GSTM4: variants seen among roughly 807,000 people sequenced by gnomAD.
The protein encoded by GSTM4 is glutathione S-transferase mu 4.
A neutral mutation model predicts 30.1 loss-of-function variants in GSTM4; 27 were observed. The ratio of observed to expected loss-of-function variants is 0.90; its 90% confidence interval spans 0.66 to 1.24. The LOEUF is 1.24. Among genes scored for constraint, GSTM4 ranks in the 50% most tolerant of loss-of-function variants. GSTM4 has a pLI of 0.00. For missense variants in GSTM4, 238 were observed against 272.1 expected (o/e 0.87, Z 0.88); for synonymous variants, 94 against 96.2 (o/e 0.98, Z 0.13).
At chr1:109,661,065 G>C in intron 7 of GSTM4, 100 bp from the exon 8 acceptor site, 2 of 1,524,686 alleles carry the variant, frequency 1.3e-6, no homozygotes, top group Non-Finnish European at 1.8e-6. Flanking sequence ...ACGTGGAAAG[G>C]CTGTGGCCAG....
chr1:109,656,825 G>T (rs978039024), intron 2 of GSTM4, 38 bp downstream of exon 2: 1 of 1,591,950 alleles, frequency 6.3e-7, no homozygotes, highest in Non-Finnish European at 8.6e-7. Flanking sequence ...GCCCACTCAC[G>T]CTGAGTTGGC....
chr1:109,656,580 G>GTGTGTC (rs1553232573), intron 1 of GSTM4, 132 bp from the exon 2 acceptor site: 51 of 742,200 alleles, frequency 6.9e-5, no homozygotes, highest in Non-Finnish European at 1.1e-4. Context: ...GTGTGTGTGT[G>GTGTGTC]TGTGTGTGTG....
chr1:109,663,662 G>A (rs947786887), downstream of GSTM4, among the ~76,000 whole-genome samples: 51 of 150,920 alleles, frequency 3.4e-4, 1 homozygote, highest in Middle Eastern at 0.021. Context: ...GCAAGACTCC[G>A]TCTCAAAAAG....
rs71657107 is a variant in GSTM4 at position 109,657,691 on chromosome 1, G to A, written c.259+20G>A. 1.9e-6 allele frequency: 3 copies of A among 1,614,248 alleles called. No individual in the cohort carries two copies. The South Asian group carries it at 3.3e-5, about 18-fold the overall frequency. The stretch of plus-strand genomic sequence containing the variant: ...ACCTGTGTGAGTGTGGTTGGCTGCA[G>A]TGTGTGGGGGGAAGGTGGCATCCTC... On this transcript the variant is annotated intron_variant, in intron 4 of 7. Transcript: ENST00000369836.
Position 109,657,274 on chromosome 1 carries a change from C to G in GSTM4, c.172C>G (p.Pro58Ala). The G allele has an allele frequency of 1.2e-6, 2 of 1,612,442 alleles. No homozygotes were observed. Among genetic ancestry groups the G allele is most frequent in the Non-Finnish European group, 1.7e-6 (2 of 1,179,830 alleles). Residue 58 changes from proline (P) to alanine (A), a missense_variant, in exon 3 of 8, where the codon CCC (proline) becomes GCC (alanine). Transcript: ENST00000369836. The stretch of plus-strand genomic sequence containing the variant: ...AAAATTCAAGCTGGGCCTGGACTTT[C>G]CCAATGTAGGTGCAGGGGAAGGGGC... ...NEKFKLGLDF[P>A]NLPYLIDGAH...
intron 4 of GSTM4, 25 bp downstream of exon 4, chr1:109,657,696 T>G (rs772041620): frequency 1.2e-6 from 2 of 1,614,110 alleles, no homozygotes; most frequent in Non-Finnish European, 1.7e-6. Context: ...CTGCAGTGTG[T>G]GGGGGGAAGG....
intron 7 of GSTM4, chr1:109,660,821 TC>T: frequency 3.3e-6 from 1 of 299,758 alleles, no homozygotes; most frequent in South Asian, 4.1e-5. Context: ...TTACTGAACT[TC>T]TGTTTCCCAC....
At chr1:109,659,695 T>C (rs975548312) in intron 7 of GSTM4, 4 of 390,004 alleles carry the variant, frequency 1.0e-5, no homozygotes, top group African/African-American at 8.3e-5. Flanking sequence ...TTAGGGTACA[T>C]ATGTGGGTGC....
downstream of GSTM4, among the ~76,000 whole-genome samples, chr1:109,667,648 T>C (rs544179904): frequency 6.6e-6 from 1 of 152,368 alleles, no homozygotes; most frequent in East Asian, 1.9e-4. Context: ...ATGTCCGCAG[T>C]TTATAACAAT....
intron 3 of GSTM4, 146 bp downstream of exon 3, chr1:109,657,425 G>A: frequency 7.0e-7 from 1 of 1,421,600 alleles, no homozygotes. Context: ...CCTGCATGAT[G>A]TTCTGTGTCC....
At chr1:109,659,328 A>C (rs186399781) in intron 7 of GSTM4, 2 of 1,533,734 alleles carry the variant, frequency 1.3e-6, no homozygotes, top group African/African-American at 1.4e-5. Context: ...TTTAGAGATA[A>C]GAAAACTTTG....
chr1:109,663,318 A>C (rs953442426), downstream of GSTM4, among the ~76,000 whole-genome samples: 9 of 152,326 alleles, frequency 5.9e-5, no homozygotes, highest in Middle Eastern at 3.4e-3. Context: ...CCAAGTGGAA[A>C]AGCCCACAGA....
chr1:109,657,773 T>G lies in GSTM4; in HGVS notation c.261T>G (p.Cys87Trp), dbSNP rs1166484020. Residue 87 changes from cysteine to tryptophan, a missense_variant and splice_region_variant, in exon 5 of 8, where the codon TGT becomes TGG. Transcript: ENST00000369836. ...LCYIARKHNL[C>W]GETEEEKIRV... Reference sequence around the variant, plus strand: ...GAGTCTGTGTTTTGTGGGTGGCAGGTGGGGAGACAGAAGAGGAGAAGATTC... The same window carrying G: ...GAGTCTGTGTTTTGTGGGTGGCAGGGGGGGAGACAGAAGAGGAGAAGATTC... The G allele has an allele frequency of 6.2e-6, 10 of 1,614,036 alleles. No homozygotes were observed. Among genetic ancestry groups the G allele is most frequent in the Non-Finnish European group, 8.5e-6 (10 of 1,180,002 alleles).
chr1:109,659,263 G>A (rs754280631), intron 7 of GSTM4, 153 bp downstream of exon 7: 37 of 1,602,474 alleles, frequency 2.3e-5, no homozygotes, highest in East Asian at 1.1e-4. Flanking sequence ...TATACCTATC[G>A]TGTGGAATTT....
rs773888107 is a variant in GSTM4, at chr1:109,661,158, C to G, written c.568-7C>G. 6 of 1,612,744 alleles carry G rather than the reference C, an allele frequency of 3.7e-6. No homozygotes were observed. In the African/African-American group the frequency reaches 5.4e-5, roughly 14 times the overall value. On this transcript the variant is annotated splice_polypyrimidine_tract_variant and splice_region_variant and intron_variant, in intron 7 of 7. Coordinates refer to ENST00000369836, the MANE Select transcript of GSTM4 (RefSeq NM_000850.5). ...TTGAGTTCTGGCCTTATTTTCCCCCCTCTCAGGGCTTGGAGAAGATCTCTG... is the reference window on the plus strand; with the variant it reads ...TTGAGTTCTGGCCTTATTTTCCCCCGTCTCAGGGCTTGGAGAAGATCTCTG...
chr1:109,666,762 G>C (rs957218877), downstream of GSTM4, among the ~76,000 whole-genome samples: 3 of 151,970 alleles, frequency 2.0e-5, no homozygotes, highest in Non-Finnish European at 4.4e-5. Flanking sequence ...GTCTTACTCT[G>C]TCGCTCAGGC....
Position 109,656,726 on chromosome 1 carries a change from C to G in GSTM4, c.51C>G (p.Ile17Met), listed in dbSNP as rs148886417. The change falls in exon 2 of 8, where the codon ATC becomes ATG. Residue 17 changes from isoleucine to methionine, a missense_variant. Transcript: ENST00000369836. The part of the protein sequence containing the change: ...YWDIRGLAHA[I>M]RLLLEYTDSS... ...ATCTCTTCCAGCTGGCCCACGCCAT[C>G]CGCCTGCTCCTGGAATACACAGACT... 2,072 of 1,614,056 alleles carry G rather than the reference C, an allele frequency of 1.3e-3. 2 individuals are homozygous for G. Among genetic ancestry groups the G allele is most frequent in the Non-Finnish European group, 1.4e-3 (1,686 of 1,179,962 alleles).
chr1:109,661,617 C>T lies in GSTM4; in HGVS notation c.*363C>T. ...CCTGAGCTGTCCCCGTGTTGCATGACAGCATTGACTGGTTTACAGGCCCTG... is the reference window on the plus strand; with the variant it reads ...CCTGAGCTGTCCCCGTGTTGCATGATAGCATTGACTGGTTTACAGGCCCTG... On this transcript the variant is annotated 3_prime_UTR_variant, in exon 8 of 8. Coordinates refer to ENST00000369836, the MANE Select transcript of GSTM4 (RefSeq NM_000850.5). 1 of 1,210,282 alleles carries T rather than the reference C, an allele frequency of 8.3e-7. No individual in the cohort carries two copies. Among genetic ancestry groups the T allele is most frequent in the Admixed American group, 4.0e-5 (1 of 25,158 alleles). 75.0% of individuals were successfully genotyped at this position (1,210,282 alleles called of 1,614,324 possible).
chr1:109,656,261 C>A lies in GSTM4; in HGVS notation c.-129C>A. ...GGTTGGAAGTGACGACCTTGAAGAT[C>A]GGCGGGCGCAGCGGGGCCGAGGGGG... On this transcript the variant is annotated 5_prime_UTR_variant, in exon 1 of 8. Transcript: ENST00000369836. 1 of 858,038 alleles carries A rather than the reference C, an allele frequency of 1.2e-6. No homozygotes were observed. Among genetic ancestry groups the A allele is most frequent in the Non-Finnish European group, 1.9e-6 (1 of 516,586 alleles). 53.2% of individuals were successfully genotyped at this position (858,038 alleles called of 1,614,324 possible).
Sources: allele counts gnomAD v4.1 joint callset (sites outside exome capture counted in the v4.1 genomes callset), GRCh38; gene constraint gnomAD v4.1.1; transcripts MANE v1.5; gene names NCBI Gene and HGNC (gene_info 2026-07-23, HGNC 2026-07-21).